Variants in BAZ2B observed in about 807,000 individuals in gnomAD.
The protein encoded by BAZ2B is bromodomain adjacent to zinc finger domain 2B.
In BAZ2B, 91 loss-of-function variants were observed where a neutral mutation model predicts 246.0. The ratio of observed to expected loss-of-function variants is 0.37; its 90% CI spans 0.31 to 0.44. The LOEUF (loss-of-function observed/expected upper bound fraction) is 0.44, where lower values mean the gene tolerates loss of function less well. Among genes scored for constraint, BAZ2B ranks in the 20% least tolerant of loss-of-function variants. The probability of loss-of-function intolerance (pLI) is 1.00; values close to 1 mark genes in which losing one functional copy is unlikely to be tolerated. For missense variants in BAZ2B, 2,332 were observed against 2,533.7 expected (o/e 0.92, Z 1.71); for synonymous variants, 855 against 860.0 (o/e 0.99, Z 0.10).
chr2:159,563,215 A>G (rs148402904), intron 1 of BAZ2B, among the ~76,000 whole-genome samples: 9 of 152,288 alleles, frequency 5.9e-5, no homozygotes, highest in Non-Finnish European at 1.2e-4. Flanking sequence ...GGTTTTTCCT[A>G]GAACATAGAA....
intron 27 of BAZ2B, among the ~76,000 whole-genome samples, chr2:159,372,518 T>TA (rs1165488134): frequency 6.6e-6 from 1 of 152,130 alleles, no homozygotes; most frequent in Non-Finnish European, 1.5e-5. Context: ...GAAAGAAATC[T>TA]AAAGGTAGAA....
intron 13 of BAZ2B, among the ~76,000 whole-genome samples, chr2:159,416,587 TGGC>T (rs2067759671): frequency 6.6e-6 from 1 of 152,228 alleles, no homozygotes; most frequent in African/African-American, 2.4e-5. Context: ...AATCAATTTT[TGGC>T]CAAAATTTTA....
At chr2:159,438,793 T>A in intron 7 of BAZ2B, 98 bp from the exon 8 acceptor site, 1 of 1,359,570 alleles carries the variant, frequency 7.4e-7, no homozygotes, top group Non-Finnish European at 9.9e-7. Flanking sequence ...TTTCAAAGTG[T>A]TCTTAATGCC....
intron 1 of BAZ2B, among the ~76,000 whole-genome samples, chr2:159,603,671 CAAA>C: frequency 7.0e-6 from 1 of 142,494 alleles, no homozygotes; most frequent in South Asian, 2.2e-4. Context: ...CTCCTCCTTA[CAAA>C]AAAAAAAACA....
the BAZ2B span, among the ~76,000 whole-genome samples, chr2:159,666,611 T>C: frequency 2.0e-5 from 3 of 152,012 alleles, no homozygotes; most frequent in Non-Finnish European, 4.4e-5. Flanking sequence ...AATCCCAGCA[T>C]TTAGGAGGCC....
intron 1 of BAZ2B, among the ~76,000 whole-genome samples, chr2:159,588,536 T>C (rs1199488316): frequency 6.6e-6 from 1 of 152,114 alleles, no homozygotes; most frequent in Admixed American, 6.6e-5. Flanking sequence ...CACACCCCTC[T>C]TAAATATGAC....
At chr2:159,406,076 T>A (rs927239793) in intron 14 of BAZ2B, among the ~76,000 whole-genome samples, 1 of 152,234 alleles carries the variant, frequency 6.6e-6, no homozygotes, top group African/African-American at 2.4e-5. Context: ...TCATTTCTCC[T>A]TTTATCCATG....
intron 1 of BAZ2B, among the ~76,000 whole-genome samples, chr2:159,567,711 C>G (rs1313260558): frequency 6.6e-6 from 1 of 152,146 alleles, no homozygotes; most frequent in Admixed American, 6.5e-5. Flanking sequence ...TGGTGGCTCA[C>G]GCCTGTAATC....
At position 159,325,785 on chromosome 2, in the gene BAZ2B, A is replaced by T; in HGVS notation, c.6077T>A (p.Leu2026Gln). 1 of 1,607,756 alleles carries T rather than the reference A, an allele frequency of 6.2e-7. No individual in the cohort carries two copies. The highest frequency in any genetic ancestry group is 1.7e-4 in the Middle Eastern group (1 of 6,050). Residue 2026 changes from leucine (L) to glutamine (Q), a missense_variant, in exon 35 of 37, where the codon CTA (leucine) becomes CAA (glutamine). Around this residue, in one of 9 missense-constraint regions of BAZ2B, gnomAD observed 210 missense variants for 232.5 expected, o/e 0.90. Transcript: ENST00000392783. ...CTTGAGGTCTTTGTTTCCTCTTTTT[A>T]GTGAACTACTTGTAGATGCAGAGTC... The part of the protein sequence containing the change: ...DEDSASTSSS[L>Q]KRGNKDLKKR...
intron 2 of BAZ2B, among the ~76,000 whole-genome samples, chr2:159,530,444 T>C (rs2085257241): frequency 6.6e-6 from 1 of 152,246 alleles, no homozygotes; most frequent in Non-Finnish European, 1.5e-5. Context: ...TATCTCAGTA[T>C]ATCTATAAAT....
At chr2:159,624,816 T>A in the BAZ2B span, among the ~76,000 whole-genome samples, 4 of 151,852 alleles carry the variant, frequency 2.6e-5, no homozygotes, top group African/African-American at 9.7e-5. Context: ...GGAACAAAAC[T>A]GGATGGAGAA....
chr2:159,484,194 A>G (rs1362938105), intron 2 of BAZ2B, among the ~76,000 whole-genome samples: 1 of 152,224 alleles, frequency 6.6e-6, no homozygotes, highest in East Asian at 1.9e-4. Context: ...GTTGCTATGG[A>G]TGAAAAACTC....
the BAZ2B span, chr2:159,694,787 G>T: frequency 6.6e-6 from 1 of 152,106 alleles, no homozygotes; most frequent in Non-Finnish European, 1.5e-5. Flanking sequence ...ATGAACATTT[G>T]TGTATAGGGT....
the BAZ2B span, among the ~76,000 whole-genome samples, chr2:159,663,406 T>C: frequency 6.6e-6 from 1 of 152,154 alleles, no homozygotes; most frequent in Admixed American, 6.5e-5. Context: ...TTTCACTATG[T>C]TGGTCAGGCT....
In BAZ2B at chr2:159,404,863, T is replaced by C; in HGVS notation, c.2818A>G (p.Ile940Val). The change falls in exon 16 of 37, where the codon ATT (isoleucine) becomes GTT (valine). Residue 940 changes from isoleucine to valine, a missense_variant. Ile to Val is a conservative substitution (Grantham distance 29). Coordinates refer to ENST00000392783, the MANE Select transcript of BAZ2B (RefSeq NM_013450.4). ...EKRKQKEQIK[I>V]MKQQEKIKRI... ...TATACACATACCTGCTGTTTCATAA[T>C]CTTTATCTGTTCTTTTTGCTTCCGC... The C allele has an allele frequency of 6.2e-7, 1 of 1,613,004 alleles. No homozygotes were observed. Among genetic ancestry groups the C allele is most frequent in the East Asian group, 2.2e-5 (1 of 44,822 alleles).
intron 13 of BAZ2B, among the ~76,000 whole-genome samples, chr2:159,413,920 T>A (rs953091938): frequency 2.0e-5 from 3 of 152,148 alleles, no homozygotes; most frequent in Admixed American, 2.0e-4. Context: ...TCTGTATATA[T>A]CTAAAAGAAA....
At chr2:159,430,749 A>G (rs2070947981) in intron 10 of BAZ2B, 114 bp downstream of exon 10, 3 of 1,475,252 alleles carry the variant, frequency 2.0e-6, no homozygotes, top group Admixed American at 2.5e-5. Context: ...GCCAACCTAA[A>G]ATCTAACTTT....
At chr2:159,377,812 C>CAAAAAAAAAA (rs35570732) in intron 25 of BAZ2B, among the ~76,000 whole-genome samples, 279 of 94,066 alleles carry the variant, frequency 3.0e-3, no homozygotes, top group East Asian at 4.1e-3. Flanking sequence ...ACTCTGTCTC[C>CAAAAAAAAAA]AAAAAAAAAA....
Position 159,448,214 on chromosome 2 carries a change from A to G in BAZ2B, c.502+28T>C, listed in dbSNP as rs762898925. On this transcript the variant is annotated intron_variant, in intron 5 of 36. Transcript: ENST00000392783. Reference sequence around the variant, plus strand: ...AATAATATTAGAATGGAAGATTTATAGTACTTCACTTATGTAAATGTGGAT... The same window carrying G: ...AATAATATTAGAATGGAAGATTTATGGTACTTCACTTATGTAAATGTGGAT... The G allele has an allele frequency of 6.3e-6, 10 of 1,592,260 alleles. No individual in the cohort carries two copies. In the Admixed American group the frequency reaches 9.4e-5, roughly 15 times the overall value.
Sources: allele counts gnomAD v4.1 joint callset (sites outside exome capture counted in the v4.1 genomes callset), GRCh38; gene constraint gnomAD v4.1.1; regional missense constraint gnomAD v4.1.1; transcripts MANE v1.5; gene names NCBI Gene and HGNC (gene_info 2026-07-23, HGNC 2026-07-21).